Variants in MXI1 observed in about 807,000 individuals in gnomAD.
MXI1 encodes MAX interactor 1, dimerization protein, also known as max-interacting protein 1.
A neutral mutation model predicts 36.9 loss-of-function variants in MXI1; 18 were observed. The observed-to-expected ratio is 0.49, with a 90% CI of 0.34 to 0.72. The LOEUF (loss-of-function observed/expected upper bound fraction) is 0.72, where lower values mean the gene tolerates loss of function less well. Ranked by LOEUF, MXI1 falls within the 30% of genes least tolerant of loss-of-function variation. The probability of loss-of-function intolerance (pLI) is 0.01; values close to 1 mark genes in which losing one functional copy is unlikely to be tolerated. For synonymous variants in MXI1, 160 were observed against 146.7 expected (o/e 1.09, Z -0.65); for missense variants, 304 against 379.1 (o/e 0.80, Z 1.64).
At position 110,245,832 on chromosome 10, in the gene MXI1, G is replaced by A. The variant is rs893278306; in HGVS notation, c.437+975G>A. 4 of 152,146 alleles carry A rather than the reference G, an allele frequency of 2.6e-5. No homozygotes were observed. The East Asian group carries it at 7.7e-4, about 29-fold the overall frequency. 9.4% of individuals were successfully genotyped at this position (152,146 alleles called of 1,614,324 possible). On this transcript the variant is annotated intron_variant, in intron 3 of 5. Coordinates refer to ENST00000332674, the MANE Select transcript of MXI1 (RefSeq NM_130439.3). ...GCAGTAATCTAGGTAAGAGATGATG[G>A]TGGCCACTGAGATAGAAGTAGACAA...
chr10:110,207,752 C>A lies in MXI1; in HGVS notation c.-57C>A. The A allele has an allele frequency of 9.1e-7, 1 of 1,102,544 alleles. No homozygotes were observed. The highest frequency in any genetic ancestry group is 1.1e-6 in the Non-Finnish European group (1 of 900,606). The allele number at this position is 1,102,544 out of a possible 1,614,324, so 68.3% of individuals were successfully genotyped here. A position where few individuals can be genotyped will look rare whatever the true frequency, so the allele number is the denominator to read the frequency against. On this transcript the variant is annotated 5_prime_UTR_variant, in exon 1 of 6. Transcript: ENST00000332674. ...GCCGGGTCTCCCTGGGGGCCCGGAGCTCGGCCGGGCCGCGCAGCCCCGTTA... is the reference window on the plus strand; with the variant it reads ...GCCGGGTCTCCCTGGGGGCCCGGAGATCGGCCGGGCCGCGCAGCCCCGTTA...
At chr10:110,277,942 A>T (rs1039861547) in intron 3 of MXI1, among the ~76,000 whole-genome samples, 2 of 152,220 alleles carry the variant, frequency 1.3e-5, no homozygotes, top group South Asian at 4.1e-4. Context: ...AGACAGAGAA[A>T]GCGCATAGTT....
intron 2 of MXI1, among the ~76,000 whole-genome samples, chr10:110,230,433 G>T (rs1024032690): frequency 6.6e-6 from 1 of 152,140 alleles, no homozygotes; most frequent in Non-Finnish European, 1.5e-5. Flanking sequence ...GAGAATATGT[G>T]TACATTAGAC....
chr10:110,242,474 A>G (rs1196484421), intron 2 of MXI1, among the ~76,000 whole-genome samples: 1 of 152,058 alleles, frequency 6.6e-6, no homozygotes, highest in Non-Finnish European at 1.5e-5. Context: ...ACATGGCAAC[A>G]TGGTAATGAT....
Position 110,278,725 on chromosome 10 carries a change from T to TGC in MXI1, c.438-454_438-453insCG, listed in dbSNP as rs1206519335. 1.1e-4 allele frequency among the ~76,000 whole-genome samples: 10 copies of TGC among 92,782 alleles called. 1 individual carries two copies. Among genetic ancestry groups the TGC allele is most frequent in the Non-Finnish European group, 1.5e-4 (8 of 54,942 alleles). The allele number at this position is 92,782 out of a possible 152,430, so 60.9% of individuals were successfully genotyped here. On this transcript the variant is annotated intron_variant, in intron 3 of 5. Transcript: ENST00000332674. ...GGGTGTGTGTGTGTGTGTGTGTGTG[T>TGC]GTGCCCACACACGTGCAAGCAAGTA...
Position 110,286,751 on chromosome 10 carries a change from G to T in MXI1, c.*1764G>T, listed in dbSNP as rs1857434035. 1 of 152,114 alleles carries T rather than the reference G, an allele frequency of 6.6e-6. No homozygotes were observed. Among genetic ancestry groups the T allele is most frequent in the Non-Finnish European group, 1.5e-5 (1 of 68,018 alleles). 9.4% of individuals were successfully genotyped at this position (152,114 alleles called of 1,614,324 possible). On this transcript the variant is annotated 3_prime_UTR_variant, in exon 6 of 6. Transcript: ENST00000332674. ...ATACATTACGCCTCAACATATACTT[G>T]TGCTCTTCCTTTGCCTCCAGAAGAA...
At chr10:110,236,024 C>A (rs377314658) in intron 2 of MXI1, among the ~76,000 whole-genome samples, 3 of 145,576 alleles carry the variant, frequency 2.1e-5, no homozygotes, top group East Asian at 4.1e-4. Flanking sequence ...ATTTTTTTCT[C>A]TATTTTCTTC....
At chr10:110,278,403 C>A (rs527973028) in intron 3 of MXI1, among the ~76,000 whole-genome samples, 3 of 151,702 alleles carry the variant, frequency 2.0e-5, no homozygotes, top group Non-Finnish European at 4.4e-5. Flanking sequence ...GTGAGAGAGA[C>A]GAGAGAGGAA....
chr10:110,268,279 G>C (rs757985639), intron 3 of MXI1, among the ~76,000 whole-genome samples: 7 of 152,170 alleles, frequency 4.6e-5, no homozygotes, highest in Admixed American at 1.3e-4. Context: ...CACTTGTGTA[G>C]CAGTCCTTAG....
At chr10:110,219,113 A>G (rs1854730724) in intron 1 of MXI1, among the ~76,000 whole-genome samples, 1 of 152,290 alleles carries the variant, frequency 6.6e-6, no homozygotes, top group Admixed American at 6.5e-5. Context: ...CAGCCTGGCC[A>G]ATATGGTGAA....
chr10:110,225,976 C>T (rs2134345302), intron 1 of MXI1: 1 of 978,750 alleles, frequency 1.0e-6, no homozygotes, highest in African/African-American at 1.8e-5. Context: ...CGCCCCTCCC[C>T]CGTGCTCGCG....
chr10:110,280,752 G>T (rs768468093), intron 5 of MXI1, among the ~76,000 whole-genome samples: 4 of 151,738 alleles, frequency 2.6e-5, no homozygotes, highest in Non-Finnish European at 5.9e-5. Flanking sequence ...ACACGATGTC[G>T]AAGTTTTTAC....
At chr10:110,263,131 C>A (rs1422655909) in intron 3 of MXI1, among the ~76,000 whole-genome samples, 1 of 152,136 alleles carries the variant, frequency 6.6e-6, no homozygotes. Context: ...GCAGGCTCTG[C>A]ACCTTTCGTT....
chr10:110,272,101 C>T (rs1470934797), intron 3 of MXI1, among the ~76,000 whole-genome samples: 3 of 152,088 alleles, frequency 2.0e-5, no homozygotes, highest in East Asian at 1.9e-4. Context: ...AACATAGATT[C>T]CTGGAGGCCC....
chr10:110,222,754 G>A (rs7076010), intron 1 of MXI1, among the ~76,000 whole-genome samples: 2,173 of 152,254 alleles, frequency 0.014, 47 homozygotes, highest in African/African-American at 0.05. Context: ...CTAGTTCATC[G>A]GAACAAAAGA....
chr10:110,219,892 T>C (rs929510314), intron 1 of MXI1, among the ~76,000 whole-genome samples: 1 of 152,354 alleles, frequency 6.6e-6, no homozygotes, highest in Non-Finnish European at 1.5e-5. Context: ...ACAGGAGCTG[T>C]TGGTGTGACA....
At chr10:110,221,657 T>C (rs1432853586) in intron 1 of MXI1, among the ~76,000 whole-genome samples, 1 of 152,228 alleles carries the variant, frequency 6.6e-6, no homozygotes, top group East Asian at 1.9e-4. Flanking sequence ...TAAGAAGCCC[T>C]TTTCTAAGAG....
intron 1 of MXI1, chr10:110,227,914 A>G (rs1855117839): frequency 2.3e-6 from 1 of 427,906 alleles, no homozygotes; most frequent in South Asian, 3.1e-5. Flanking sequence ...GTTCTAAAGC[A>G]TCTGAAATCT....
At chr10:110,209,017 C>T (rs1423528731) in intron 1 of MXI1, among the ~76,000 whole-genome samples, 1 of 103,446 alleles carries the variant, frequency 9.7e-6, no homozygotes, top group Non-Finnish European at 1.9e-5. Flanking sequence ...CCCCCAGATT[C>T]ACGTGGATAG....
Sources: gnomAD v4.1 joint callset for allele counts (sites outside exome capture counted in the v4.1 genomes callset) on GRCh38, gnomAD v4.1.1 for gene constraint, MANE v1.5 for transcripts, NCBI Gene and HGNC (gene_info 2026-07-23, HGNC 2026-07-21) for gene names.